Variants in TACR3 observed in about 807,000 individuals in gnomAD.
TACR3 encodes neuromedin-K receptor.
In TACR3, 34 loss-of-function variants were observed where a neutral mutation model predicts 35.0. That is an observed-to-expected ratio of 0.97 (90% CI 0.74 to 1.30). The LOEUF (loss-of-function observed/expected upper bound fraction) is 1.30, where lower values mean the gene tolerates loss of function less well. TACR3 is among the 50% of genes most tolerant of loss of function. The pLI is 0.00. For missense variants in TACR3, 558 were observed against 591.7 expected (o/e 0.94, Z 0.59); for synonymous variants, 233 against 221.1 (o/e 1.05, Z -0.48).
chr4:103,651,380 C>T (rs893170138), intron 3 of TACR3, among the ~76,000 whole-genome samples: 1 of 151,784 alleles, frequency 6.6e-6, no homozygotes, highest in Non-Finnish European at 1.5e-5. Flanking sequence ...TGCCACAGGC[C>T]TACAGGGAGT....
At chr4:103,602,635 G>A (rs565447462) in intron 3 of TACR3, among the ~76,000 whole-genome samples, 47 of 148,580 alleles carry the variant, frequency 3.2e-4, no homozygotes, top group African/African-American at 1.0e-3. Context: ...AGGTCTGTTG[G>A]AGTTTGCCTA....
At chr4:103,597,484 TA>T (rs547329006) in intron 3 of TACR3, among the ~76,000 whole-genome samples, 270 of 152,230 alleles carry the variant, frequency 1.8e-3, no homozygotes, top group African/African-American at 6.2e-3. Flanking sequence ...CTTTAAGTTT[TA>T]GGGTACAAGT....
At chr4:103,656,086 G>T in intron 3 of TACR3, 108 bp downstream of exon 3, 1 of 1,367,410 alleles carries the variant, frequency 7.3e-7, no homozygotes, top group Non-Finnish European at 1.0e-6. Context: ...ATTAAAAACA[G>T]GAGTAGAGCA....
intron 3 of TACR3, among the ~76,000 whole-genome samples, chr4:103,613,889 AAGAG>A (rs752264415): frequency 3.9e-5 from 6 of 151,998 alleles, no homozygotes; most frequent in African/African-American, 1.2e-4. Flanking sequence ...GAAGGGGAGA[AAGAG>A]AGAGAAAGAG....
At chr4:103,718,112 C>G (rs956547033) in intron 1 of TACR3, among the ~76,000 whole-genome samples, 1 of 150,818 alleles carries the variant, frequency 6.6e-6, no homozygotes, top group African/African-American at 2.5e-5. Context: ...CCTGTTTTTT[C>G]TTATTTTTTT....
rs981145095 is a variant in TACR3 at position 103,643,429 on chromosome 4, A to G, written c.888+12765T>C. On this transcript the variant is annotated intron_variant, in intron 3 of 4. Transcript: ENST00000304883. ...ACAGAGTGAGACATTGTCTAAAAAA[A>G]AGAGAGAGAGAGAGAGAGAGAGAGA... Among the ~76,000 whole-genome samples the G allele has an allele frequency of 1.4e-4, 21 of 148,752 alleles. No individual in the cohort carries two copies. The East Asian group carries it at 3.0e-3, about 21-fold the overall frequency.
At chr4:103,595,978 C>T (rs1273949638) in intron 3 of TACR3, among the ~76,000 whole-genome samples, 1 of 148,178 alleles carries the variant, frequency 6.7e-6, no homozygotes, top group African/African-American at 2.5e-5. Context: ...TCAATACCCA[C>T]CTATGAGTGA....
In TACR3 at chr4:103,704,751, T is replaced by C. The variant is rs146087715; in HGVS notation, c.548+14377A>G. Among the ~76,000 whole-genome samples, 3 of 152,210 alleles carry C rather than the reference T, an allele frequency of 2.0e-5. No individual in the cohort carries two copies. In the South Asian group the frequency reaches 6.2e-4, roughly 32 times the overall value. On this transcript the variant is annotated intron_variant, in intron 1 of 4. Transcript: ENST00000304883. ...GGAAACAGAGCCAAACCATACCAAGTGCTAAAGAAGACTACTGATAAGTTC... is the reference window on the plus strand; with the variant it reads ...GGAAACAGAGCCAAACCATACCAAGCGCTAAAGAAGACTACTGATAAGTTC...
intron 1 of TACR3, among the ~76,000 whole-genome samples, chr4:103,659,460 T>A (rs6818076): frequency 0.41 from 62,270 of 151,896 alleles, 14,758 homozygotes; most frequent in African/African-American, 0.66. Context: ...GACAAAGATG[T>A]GAAACTCCTA....
chr4:103,643,566 G>C (rs1008930984), intron 3 of TACR3, among the ~76,000 whole-genome samples: 2 of 151,714 alleles, frequency 1.3e-5, no homozygotes, highest in African/African-American at 4.8e-5. Context: ...CTGTCAGTTT[G>C]GGCAACATTC....
intron 1 of TACR3, among the ~76,000 whole-genome samples, chr4:103,716,130 A>G (rs1560543636): frequency 6.6e-6 from 1 of 152,044 alleles, no homozygotes; most frequent in Non-Finnish European, 1.5e-5. Context: ...GGCAAGTGTT[A>G]CATTTATATG....
chr4:103,616,644 C>T (rs1421803267), intron 3 of TACR3, among the ~76,000 whole-genome samples: 1 of 152,020 alleles, frequency 6.6e-6, no homozygotes, highest in Non-Finnish European at 1.5e-5. Context: ...ATTTCCCTAA[C>T]AAAATATAAA....
chr4:103,646,082 G>T (rs1725449702), intron 3 of TACR3, among the ~76,000 whole-genome samples: 1 of 151,988 alleles, frequency 6.6e-6, no homozygotes, highest in African/African-American at 2.4e-5. Context: ...TCATGACCAA[G>T]AATTGATATT....
At chr4:103,595,798 G>A (rs2110285837) in intron 3 of TACR3, among the ~76,000 whole-genome samples, 1 of 151,052 alleles carries the variant, frequency 6.6e-6, no homozygotes, top group South Asian at 2.1e-4. Flanking sequence ...TGTGCACAAT[G>A]TGCAGGTTAG....
intron 3 of TACR3, among the ~76,000 whole-genome samples, chr4:103,593,958 G>A (rs1723948185): frequency 6.6e-6 from 1 of 152,002 alleles, no homozygotes; most frequent in Admixed American, 6.6e-5. Flanking sequence ...TACATAAAGG[G>A]TACTCAGAAA....
chr4:103,596,751 C>T (rs1724034005), intron 3 of TACR3, among the ~76,000 whole-genome samples: 1 of 151,922 alleles, frequency 6.6e-6, no homozygotes. Context: ...TATCCCTCCC[C>T]CGTCCCCCTA....
At chr4:103,691,185 A>G (rs1722395680) in intron 1 of TACR3, among the ~76,000 whole-genome samples, 1 of 152,188 alleles carries the variant, frequency 6.6e-6, no homozygotes, top group Non-Finnish European at 1.5e-5. Flanking sequence ...AGTTCTATTC[A>G]TTGCACAAAA....
rs114743930 is a variant in TACR3 at position 103,666,254 on chromosome 4, C to T, written c.549-7851G>A. On this transcript the variant is annotated intron_variant, in intron 1 of 4. Coordinates refer to ENST00000304883, the MANE Select transcript of TACR3 (RefSeq NM_001059.3). ...GTGGTAAAGACATTAGGTATAACTT[C>T]CACAAGAAAGCAACATTAAGATTAG... Among the ~76,000 whole-genome samples, 547 of 152,178 alleles carry T rather than the reference C, an allele frequency of 3.6e-3. 2 individuals are homozygous for T. Among genetic ancestry groups the T allele is most frequent in the Non-Finnish European group, 5.9e-3 (401 of 68,010 alleles).
At chr4:103,621,055 AAG>A (rs1724765753) in intron 3 of TACR3, among the ~76,000 whole-genome samples, 1 of 152,214 alleles carries the variant, frequency 6.6e-6, no homozygotes, top group African/African-American at 2.4e-5. Flanking sequence ...AGCTAAACAA[AAG>A]AACATTACTT....
Sources: allele counts gnomAD v4.1 joint callset (sites outside exome capture counted in the v4.1 genomes callset), GRCh38; gene constraint gnomAD v4.1.1; transcripts MANE v1.5; gene names NCBI Gene and HGNC (gene_info 2026-07-23, HGNC 2026-07-21).